Variants in CRMP1 observed in about 807,000 individuals in gnomAD.
The protein encoded by CRMP1 is dihydropyrimidinase-related protein 1.
CRMP1 carries 19 observed loss-of-function variants against 68.3 expected under a neutral mutation model. The ratio of observed to expected loss-of-function variants is 0.28; its 90% CI spans 0.19 to 0.41. The LOEUF (loss-of-function observed/expected upper bound fraction) is 0.41. Among genes scored for constraint, CRMP1 ranks in the 10% least tolerant of loss-of-function variants. CRMP1 has a pLI of 1.00. For missense variants in CRMP1, 791 were observed against 967.4 expected (o/e 0.82, Z 2.42); for synonymous variants, 439 against 399.6 (o/e 1.10, Z -1.18).
chr4:5,831,730 C>CTGTG, intron 11 of CRMP1, among the ~76,000 whole-genome samples: 1 of 152,332 alleles, frequency 6.6e-6, no homozygotes, highest in Admixed American at 6.5e-5. Flanking sequence ...GGTCATATCA[C>CTGTG]AAATGCCACA....
rs552748904 is a variant in CRMP1, at chr4:5,832,486, A to G, written c.1623+3429T>C. Among the ~76,000 whole-genome samples, 23 of 152,370 alleles carry G rather than the reference A, an allele frequency of 1.5e-4. No homozygotes were observed. In the South Asian group the frequency reaches 4.1e-3, roughly 27 times the overall value. On this transcript the variant is annotated intron_variant, in intron 11 of 13. Transcript: ENST00000324989. ...AGATTTAAAATCTAATCACTGGTCAATATATAAGGAATGATCTCTTTTCAT... is the reference window on the plus strand; with the variant it reads ...AGATTTAAAATCTAATCACTGGTCAGTATATAAGGAATGATCTCTTTTCAT...
Position 5,855,355 on chromosome 4 carries a change from T to C in CRMP1, c.820+788A>G, listed in dbSNP as rs535067555. 1.2e-4 allele frequency among the ~76,000 whole-genome samples: 19 copies of C among 152,344 alleles called. No homozygotes were observed. The highest frequency in any genetic ancestry group is 1.0e-4 in the Non-Finnish European group (7 of 68,036). On this transcript the variant is annotated intron_variant, in intron 4 of 13. Coordinates refer to ENST00000324989, the MANE Select transcript of CRMP1 (RefSeq NM_001014809.3). The surrounding 1 kb of genome is among the most constrained non-coding windows in gnomAD (Gnocchi z 4.9). ...CTCGCTCTCCTTGAAGCACCACCAT[T>C]TGAGGCTGCCTCCTCAGAGGGCTCC...
At chr4:5,837,110 G>A (rs7654446) in intron 9 of CRMP1, among the ~76,000 whole-genome samples, 60,853 of 152,070 alleles carry the variant, frequency 0.4, 13,221 homozygotes, top group African/African-American at 0.57. Flanking sequence ...TGCTTTGCAC[G>A]TTACAAAGTG....
intron 2 of CRMP1, among the ~76,000 whole-genome samples, chr4:5,864,920 G>C (rs951084111): frequency 1.8e-5 from 2 of 112,604 alleles, no homozygotes; most frequent in African/African-American, 3.4e-5. Context: ...GGCTGGATTT[G>C]AAATGGTCAA....
rs934889680 is a variant in CRMP1, at chr4:5,866,561, G to A, written c.470+107C>T. The A allele has an allele frequency of 7.6e-6, 6 of 784,434 alleles. No individual in the cohort carries two copies. Among genetic ancestry groups the A allele is most frequent in the Non-Finnish European group, 1.3e-5 (6 of 475,436 alleles). The allele number at this position is 784,434 out of a possible 1,614,324, so 48.6% of individuals were successfully genotyped here. A position where few individuals can be genotyped will look rare whatever the true frequency, so the allele number is the denominator to read the frequency against. ...TGAGGTCTCTACCCCTGAAACACAG[G>A]TACACAGCCCCGTCATTCTAGGACA... On this transcript the variant is annotated intron_variant, in intron 2 of 13. Coordinates refer to ENST00000324989, the MANE Select transcript of CRMP1 (RefSeq NM_001014809.3). The surrounding 1 kb of genome is among the most constrained non-coding windows in gnomAD (Gnocchi z 5.9).
In CRMP1 at chr4:5,884,009, A is replaced by G. The variant is rs182182098; in HGVS notation, c.381+8580T>C. Reference sequence around the variant, plus strand: ...CCTCTCTGATCATGACCTTGACATCATGGAGGGTGTTTGCTTCTCTGCCCT... The same window carrying G: ...CCTCTCTGATCATGACCTTGACATCGTGGAGGGTGTTTGCTTCTCTGCCCT... On this transcript the variant is annotated intron_variant, in intron 1 of 13. Coordinates refer to ENST00000324989, the MANE Select transcript of CRMP1 (RefSeq NM_001014809.3). Among the ~76,000 whole-genome samples, 357 of 152,324 alleles carry G rather than the reference A, an allele frequency of 2.3e-3. 1 individual carries two copies. The highest frequency in any genetic ancestry group is 8.0e-3 in the African/African-American group (332 of 41,582).
At chr4:5,824,615 C>T in intron 13 of CRMP1, 1 of 950,730 alleles carries the variant, frequency 1.1e-6, no homozygotes, top group African/African-American at 1.8e-5. Context: ...GATCCATGAC[C>T]TGAGAATAGT....
rs1302177169 is a variant in CRMP1 at position 5,887,744 on chromosome 4, G to T, written c.381+4845C>A. 1.3e-5 allele frequency: 13 copies of T among 985,762 alleles called. No individual in the cohort carries two copies. In the African/African-American group the frequency reaches 2.1e-4, roughly 16 times the overall value. The allele number at this position is 985,762 out of a possible 1,614,324, so 61.1% of individuals were successfully genotyped here. A position where few individuals can be genotyped will look rare whatever the true frequency, so the allele number is the denominator to read the frequency against. Reference sequence around the variant, plus strand: ...GGACTTCCACTCCATCAGTAAAGGCGGGGAGTGGGGAGCGCTGGATGATCT... The same window carrying T: ...GGACTTCCACTCCATCAGTAAAGGCTGGGAGTGGGGAGCGCTGGATGATCT... On this transcript the variant is annotated intron_variant, in intron 1 of 13. Transcript: ENST00000324989.
intron 1 of CRMP1, among the ~76,000 whole-genome samples, chr4:5,868,530 C>G (rs370946724): frequency 0.014 from 2,074 of 151,758 alleles, 46 homozygotes; most frequent in African/African-American, 0.046. Context: ...CTCAATCTCC[C>G]GACCTCATGA....
intron 13 of CRMP1, chr4:5,824,427 C>T (rs1399435303): frequency 3.0e-6 from 3 of 985,278 alleles, no homozygotes; most frequent in African/African-American, 1.7e-5. Flanking sequence ...CTGAATCAGA[C>T]ACTTCCTGAA....
intron 1 of CRMP1, among the ~76,000 whole-genome samples, chr4:5,874,361 G>A (rs894147563): frequency 2.6e-5 from 4 of 152,326 alleles, no homozygotes; most frequent in East Asian, 3.9e-4. Context: ...AATTCAAAAT[G>A]AAGTGGATCT....
intron 1 of CRMP1, among the ~76,000 whole-genome samples, chr4:5,885,050 A>C (rs1248246118): frequency 6.6e-6 from 1 of 151,668 alleles, no homozygotes; most frequent in African/African-American, 2.4e-5. Flanking sequence ...CCTTGGGGGC[A>C]GGAGCTAAGT....
At chr4:5,871,998 C>T (rs1297137050) in intron 1 of CRMP1, among the ~76,000 whole-genome samples, 2 of 152,168 alleles carry the variant, frequency 1.3e-5, no homozygotes, top group Non-Finnish European at 2.9e-5. Context: ...GTTCACACAA[C>T]CAGTAAGGAT....
In CRMP1 at chr4:5,839,698, AGCCTGGTT is replaced by A. The variant is rs1182098392; in HGVS notation, c.1154-28_1154-21del. ...GGGGCCCTTAGGAGGGGAAAACATA[AGCCTGGTT>A]AAAAGCAAATACTCTCTTGAGGCAG... On this transcript the variant is annotated intron_variant, in intron 8 of 13. Coordinates refer to ENST00000324989, the MANE Select transcript of CRMP1 (RefSeq NM_001014809.3). 1 of 1,602,572 alleles carries A rather than the reference AGCCTGGTT, an allele frequency of 6.2e-7. No individual in the cohort carries two copies. The highest frequency in any genetic ancestry group is 8.5e-7 in the Non-Finnish European group (1 of 1,174,110).
chr4:5,860,973 G>T lies in CRMP1; in HGVS notation c.655+53C>A. 1 of 1,563,392 alleles carries T rather than the reference G, an allele frequency of 6.4e-7. No individual in the cohort carries two copies. Reference sequence around the variant, plus strand: ...ACTGAGCACTTGTGATGCTGGTGATGGGGAGGAGACCTCACAGTCTATGTC... The same window carrying T: ...ACTGAGCACTTGTGATGCTGGTGATTGGGAGGAGACCTCACAGTCTATGTC... On this transcript the variant is annotated intron_variant, in intron 3 of 13. Transcript: ENST00000324989. The surrounding 1 kb of genome is among the most constrained non-coding windows in gnomAD (Gnocchi z 4.2).
Position 5,836,099 on chromosome 4 carries a change from C to G in CRMP1, c.1453-14G>C. 1 of 1,470,330 alleles carries G rather than the reference C, an allele frequency of 6.8e-7. No homozygotes were observed. The highest frequency in any genetic ancestry group is 9.0e-7 in the Non-Finnish European group (1 of 1,111,276). 91.1% of individuals were successfully genotyped at this position (1,470,330 alleles called of 1,614,324 possible). A position where few individuals can be genotyped will look rare whatever the true frequency, so the allele number is the denominator to read the frequency against. ...TTTGCCAGTAGCCTACAGGCAAGACCCACAGATGAGAAGAGCATCTCATAA... is the reference window on the plus strand; with the variant it reads ...TTTGCCAGTAGCCTACAGGCAAGACGCACAGATGAGAAGAGCATCTCATAA... On this transcript the variant is annotated splice_polypyrimidine_tract_variant and intron_variant, in intron 10 of 13. Coordinates refer to ENST00000324989, the MANE Select transcript of CRMP1 (RefSeq NM_001014809.3).
chr4:5,889,773 G>A lies in CRMP1; in HGVS notation c.381+2816C>T. 5.2e-6 allele frequency: 8 copies of A among 1,532,128 alleles called. No homozygotes were observed. Among genetic ancestry groups the A allele is most frequent in the Non-Finnish European group, 7.0e-6 (8 of 1,144,090 alleles). The allele number at this position is 1,532,128 out of a possible 1,614,324, so 94.9% of individuals were successfully genotyped here. On this transcript the variant is annotated intron_variant, in intron 1 of 13. Coordinates refer to ENST00000324989, the MANE Select transcript of CRMP1 (RefSeq NM_001014809.3). The surrounding 1 kb of genome is among the most constrained non-coding windows in gnomAD (Gnocchi z 4.5). ...AGCTCCCCCAGCACTGTGGTTGGGGGCTGGGGCCCTGACCTTCACCACCCC... is the reference window on the plus strand; with the variant it reads ...AGCTCCCCCAGCACTGTGGTTGGGGACTGGGGCCCTGACCTTCACCACCCC...
intron 6 of CRMP1, among the ~76,000 whole-genome samples, chr4:5,844,963 T>C (rs1712079541): frequency 6.6e-6 from 1 of 152,076 alleles, no homozygotes; most frequent in Admixed American, 6.5e-5. Context: ...TATCCAAATA[T>C]CCAACAACTG....
rs531737821 is a variant in CRMP1 at position 5,860,523 on chromosome 4, T to C, written c.655+503A>G. Among the ~76,000 whole-genome samples the C allele has an allele frequency of 2.0e-5, 3 of 152,324 alleles. No individual in the cohort carries two copies. Among genetic ancestry groups the C allele is most frequent in the Admixed American group, 2.0e-4 (3 of 15,308 alleles). ...ACAACCACTTCCCAGCTGTGTCTCCTTGGGCAAGTTGCTTCACCTCTCTGA... is the reference window on the plus strand; with the variant it reads ...ACAACCACTTCCCAGCTGTGTCTCCCTGGGCAAGTTGCTTCACCTCTCTGA... On this transcript the variant is annotated intron_variant, in intron 3 of 13. Transcript: ENST00000324989. The surrounding 1 kb of genome is among the most constrained non-coding windows in gnomAD (Gnocchi z 4.2).
Sources: gnomAD v4.1 joint callset for allele counts (sites outside exome capture counted in the v4.1 genomes callset) on GRCh38, gnomAD v4.1.1 for gene constraint, Gnocchi (gnomAD v3.1) non-coding constraint, MANE v1.5 for transcripts, NCBI Gene and HGNC (gene_info 2026-07-23, HGNC 2026-07-21) for gene names.